CELF6: variants seen among roughly 807,000 people sequenced by gnomAD.
CELF6 encodes CUGBP Elav-like family member 6, also known as Bruno -like 6, RNA binding protein.
A neutral mutation model predicts 53.1 loss-of-function variants in CELF6; 32 were observed. The observed-to-expected ratio is 0.60, with a 90% CI of 0.46 to 0.81. The LOEUF (loss-of-function observed/expected upper bound fraction) is 0.81, where lower values mean the gene tolerates loss of function less well. Ranked by LOEUF, CELF6 falls within the 30% of genes least tolerant of loss-of-function variation. The pLI is 0.00. For missense variants in CELF6, 539 were observed against 669.5 expected (o/e 0.81, Z 2.15); for synonymous variants, 291 against 288.8 (o/e 1.01, Z -0.08).
chr15:72,307,077 G>A lies in CELF6; in HGVS notation c.346-2283C>T, dbSNP rs1240775624. On this transcript the variant is annotated intron_variant, in intron 2 of 12. Transcript: ENST00000287202. ...GTAGAAGCCTGGGGTGGGGGGCAGT[G>A]AGGGTGAGCAAGACCATCATTATTT... is the stretch of plus-strand genomic sequence containing the variant. 5.3e-5 allele frequency among the ~76,000 whole-genome samples: 8 copies of A among 152,204 alleles called. No individual in the cohort carries two copies. In the East Asian group the frequency reaches 1.5e-3, roughly 29 times the overall value.
intron 2 of CELF6, chr15:72,306,291 C>A: frequency 1.0e-6 from 1 of 985,244 alleles, no homozygotes; most frequent in Non-Finnish European, 1.2e-6. Context: ...GCGGCCTTCC[C>A]GTTCATGGAG....
chr15:72,316,231 G>A (rs1488671140), intron 1 of CELF6, among the ~76,000 whole-genome samples: 1 of 152,140 alleles, frequency 6.6e-6, no homozygotes, highest in Non-Finnish European at 1.5e-5. Context: ...CACAAGTCCT[G>A]TTGGGGTTAA....
At chr15:72,311,526 C>T (rs940740684) in intron 2 of CELF6, among the ~76,000 whole-genome samples, 32 of 151,714 alleles carry the variant, frequency 2.1e-4, no homozygotes, top group Non-Finnish European at 4.3e-4. Context: ...CCTCAGCCTC[C>T]CGAGTAGCTG....
At chr15:72,291,845 T>C (rs565879144) in intron 3 of CELF6, among the ~76,000 whole-genome samples, 9 of 152,280 alleles carry the variant, frequency 5.9e-5, no homozygotes, top group African/African-American at 1.7e-4. Flanking sequence ...TACCATCCGA[T>C]GATCCTTGGA....
chr15:72,292,350 C>T, intron 3 of CELF6: 1 of 934,588 alleles, frequency 1.1e-6, no homozygotes, highest in Non-Finnish European at 1.6e-6. Flanking sequence ...CTCATTTGGC[C>T]AGAGAATCAA....
rs543570554 is a variant in CELF6 at position 72,293,441 on chromosome 15, A to G, written c.395-3186T>C. On this transcript the variant is annotated intron_variant, in intron 3 of 12. Coordinates refer to ENST00000287202, the MANE Select transcript of CELF6 (RefSeq NM_052840.5). ...TTCAGTTTCCTCTAGATCAAATTCT[A>G]TCATTTGGATAAAAAGCGGACGCTA... 2.1e-3 allele frequency among the ~76,000 whole-genome samples: 318 copies of G among 152,332 alleles called. 1 individual carries two copies. The highest frequency in any genetic ancestry group is 4.0e-3 in the Non-Finnish European group (273 of 68,024).
chr15:72,304,618 C>G, intron 3 of CELF6, 128 bp downstream of exon 3: 3 of 801,880 alleles, frequency 3.7e-6, no homozygotes, highest in South Asian at 1.6e-5. Flanking sequence ...GGCTCAGCAA[C>G]TCTGAGCCCC....
intron 3 of CELF6, among the ~76,000 whole-genome samples, chr15:72,293,991 A>C (rs1484319377): frequency 6.6e-6 from 1 of 152,094 alleles, no homozygotes; most frequent in Non-Finnish European, 1.5e-5. Flanking sequence ...CACCACACCC[A>C]GTCTCAAATG....
At position 72,289,812 on chromosome 15, in the gene CELF6, TGGCCCCGGCCC is replaced by T; in HGVS notation, c.604-53_604-43del. On this transcript the variant is annotated intron_variant, in intron 5 of 12. Transcript: ENST00000287202. This position sits in a 1 kb window ranked among gnomAD's most constrained non-coding sequence, Gnocchi z 7.6. ...AGGCCGTGGTGACCGGTCCTGACCC[TGGCCCCGGCCC>T]GGGGCCGAGCGCCTTTCCCATCAGG... 5 of 1,463,766 alleles carry T rather than the reference TGGCCCCGGCCC, an allele frequency of 3.4e-6. No individual in the cohort carries two copies. Among genetic ancestry groups the T allele is most frequent in the Non-Finnish European group, 3.6e-6 (4 of 1,111,782 alleles). 90.7% of individuals were successfully genotyped at this position (1,463,766 alleles called of 1,614,324 possible).
intron 3 of CELF6, among the ~76,000 whole-genome samples, chr15:72,294,635 A>C (rs1193613257): frequency 6.6e-6 from 1 of 152,218 alleles, no homozygotes; most frequent in South Asian, 2.1e-4. Context: ...CACACAAAAA[A>C]TCAGTTGTGT....
At chr15:72,292,215 G>C (rs1320963090) in intron 3 of CELF6, 1 of 1,535,564 alleles carries the variant, frequency 6.5e-7, no homozygotes. Context: ...ATAGAGAACA[G>C]AGTTCCAGCT....
chr15:72,291,669 G>A (rs1484257358), intron 3 of CELF6, among the ~76,000 whole-genome samples: 3 of 152,210 alleles, frequency 2.0e-5, no homozygotes, highest in African/African-American at 7.2e-5. Context: ...CTATGTGTGT[G>A]TCCATATGTC....
At position 72,289,907 on chromosome 15, in the gene CELF6, C is replaced by T. The variant is rs773815459; in HGVS notation, c.603+32G>A. On this transcript the variant is annotated intron_variant, in intron 5 of 12. Transcript: ENST00000287202. This position sits in a 1 kb window ranked among gnomAD's most constrained non-coding sequence, Gnocchi z 7.6. ...GAGAAGCCCGTCCCCACCCCACTGGCCTCACCCTCAGCCCAGGGAACCCGC... is the reference window on the plus strand; with the variant it reads ...GAGAAGCCCGTCCCCACCCCACTGGTCTCACCCTCAGCCCAGGGAACCCGC... 3.2e-6 allele frequency: 5 copies of T among 1,542,408 alleles called. No individual in the cohort carries two copies. Among genetic ancestry groups the T allele is most frequent in the Non-Finnish European group, 3.5e-6 (4 of 1,147,008 alleles).
At chr15:72,316,041 G>A (rs973193183) in intron 1 of CELF6, 114 bp from the exon 2 acceptor site, 2 of 668,116 alleles carry the variant, frequency 3.0e-6, no homozygotes, top group Admixed American at 5.7e-5. Context: ...CAAGGACTCT[G>A]CTTTCTGAGA....
At chr15:72,298,874 A>G (rs2088112171) in intron 3 of CELF6, among the ~76,000 whole-genome samples, 1 of 152,150 alleles carries the variant, frequency 6.6e-6, no homozygotes, top group Non-Finnish European at 1.5e-5. Flanking sequence ...GGGGATCCTT[A>G]TTTCTGACCT....
intron 3 of CELF6, among the ~76,000 whole-genome samples, chr15:72,302,795 TCTC>T (rs1367432419): frequency 6.6e-6 from 1 of 152,196 alleles, no homozygotes; most frequent in African/African-American, 2.4e-5. Flanking sequence ...TTGCTCCCTC[TCTC>T]CTCTTTTCTC....
chr15:72,313,788 T>TCTACTC, intron 2 of CELF6: 2 of 965,936 alleles, frequency 2.1e-6, no homozygotes, highest in Non-Finnish European at 2.5e-6. Context: ...AATGATGAGT[T>TCTACTC]CTACTCCTAC....
chr15:72,303,562 G>A (rs957017780), intron 3 of CELF6, among the ~76,000 whole-genome samples: 4 of 152,176 alleles, frequency 2.6e-5, no homozygotes, highest in Non-Finnish European at 4.4e-5. Flanking sequence ...CTCAATACAT[G>A]TTTATATCAA....
At position 72,288,781 on chromosome 15, in the gene CELF6, G is replaced by A; in HGVS notation, c.1093+87C>T. On this transcript the variant is annotated intron_variant, in intron 9 of 12. Coordinates refer to ENST00000287202, the MANE Select transcript of CELF6 (RefSeq NM_052840.5). This position sits in a 1 kb window ranked among gnomAD's most constrained non-coding sequence, Gnocchi z 4.6. Reference sequence around the variant, plus strand: ...GAGGGGATGGGAGGATCAACTCCTTGGAACAGAGCCTAAATCCCCCACAAC... The same window carrying A: ...GAGGGGATGGGAGGATCAACTCCTTAGAACAGAGCCTAAATCCCCCACAAC... The A allele has an allele frequency of 4.3e-6, 6 of 1,407,758 alleles. No homozygotes were observed. Among genetic ancestry groups the A allele is most frequent in the Non-Finnish European group, 5.9e-6 (6 of 1,016,020 alleles). The allele number at this position is 1,407,758 out of a possible 1,614,324, so 87.2% of individuals were successfully genotyped here. A position where few individuals can be genotyped will look rare whatever the true frequency, so the allele number is the denominator to read the frequency against.
Sources: allele counts gnomAD v4.1 joint callset (sites outside exome capture counted in the v4.1 genomes callset), GRCh38; gene constraint gnomAD v4.1.1; non-coding constraint Gnocchi (gnomAD v3.1); transcripts MANE v1.5; gene names NCBI Gene and HGNC (gene_info 2026-07-23, HGNC 2026-07-21).